Variants in ERCC6L2 observed in about 807,000 individuals in gnomAD.
ERCC6L2 encodes ERCC excision repair 6 like 2.
Under a neutral mutation model 132.0 loss-of-function variants are expected in ERCC6L2, and 77 were observed. The observed-to-expected ratio is 0.58, with a 90% CI of 0.49 to 0.71. The LOEUF is 0.71. ERCC6L2 is among the 30% of genes least tolerant of loss of function. The probability of loss-of-function intolerance (pLI) is 0.00; values close to 1 mark genes in which losing one functional copy is unlikely to be tolerated. For synonymous variants in ERCC6L2, 583 were observed against 632.4 expected, an observed-to-expected ratio of 0.92 and a Z score of 1.17; for missense variants, 1,542 against 1,837.6, an observed-to-expected ratio of 0.84 and a Z score of 2.94.
chr9:95,925,830 T>A lies in ERCC6L2; in HGVS notation c.1534-2249T>A, dbSNP rs1830076089. 7.4e-5 allele frequency among the ~76,000 whole-genome samples: 11 copies of A among 149,376 alleles called. No homozygotes were observed. The Admixed American group carries it at 7.4e-4, about 10-fold the overall frequency. On this transcript the variant is annotated intron_variant, in intron 9 of 18. Transcript: ENST00000653738. ...ACAAACCACAGACTGGGAGAAAATA[T>A]TAGCAAAACAATAAAGGACTGGTTT... is the stretch of plus-strand genomic sequence containing the variant.
At chr9:95,883,673 A>T (rs1036967739) in intron 2 of ERCC6L2, among the ~76,000 whole-genome samples, 1 of 152,206 alleles carries the variant, frequency 6.6e-6, no homozygotes, top group Non-Finnish European at 1.5e-5. Flanking sequence ...ATCCTGGCCA[A>T]CATGGTGAAA....
chr9:95,964,893 T>C (rs1832082080), intron 13 of ERCC6L2, among the ~76,000 whole-genome samples: 1 of 152,204 alleles, frequency 6.6e-6, no homozygotes, highest in Non-Finnish European at 1.5e-5. Flanking sequence ...AATAAAACTT[T>C]GCTAGGAAGC....
In ERCC6L2 at chr9:96,031,413, G is replaced by A. The variant is rs2133266560; in HGVS notation, c.*1504-7463G>A. On this transcript the variant is annotated intron_variant and NMD_transcript_variant, in intron 19 of 20. Transcript: ENST00000670016. The stretch of plus-strand genomic sequence containing the variant: ...ATACCAAGGGCACCCACAGGTCTGT[G>A]CTAGGGGCCTTGAGGCCTCCAAAAT... Among the ~76,000 whole-genome samples, 3 of 152,352 alleles carry A rather than the reference G, an allele frequency of 2.0e-5. No homozygotes were observed. The South Asian group carries it at 6.2e-4, about 32-fold the overall frequency.
chr9:96,005,372 AT>A (rs1347202487), intron 18 of ERCC6L2, among the ~76,000 whole-genome samples: 2 of 152,110 alleles, frequency 1.3e-5, no homozygotes, highest in African/African-American at 4.8e-5. Flanking sequence ...GCATCAAACC[AT>A]GAAGTTTTAA....
chr9:95,882,810 A>T (rs1292996024), intron 2 of ERCC6L2, among the ~76,000 whole-genome samples: 1 of 152,228 alleles, frequency 6.6e-6, no homozygotes, highest in Non-Finnish European at 1.5e-5. Flanking sequence ...TAGTTTAGAC[A>T]TGCACACTGG....
chr9:95,946,582 A>T (rs1396049972), intron 12 of ERCC6L2, among the ~76,000 whole-genome samples: 2 of 152,142 alleles, frequency 1.3e-5, no homozygotes, highest in East Asian at 3.8e-4. Context: ...TAAATATATA[A>T]ATTACTTGAA....
At chr9:95,948,620 T>C (rs1470129879) in intron 12 of ERCC6L2, among the ~76,000 whole-genome samples, 1 of 151,984 alleles carries the variant, frequency 6.6e-6, no homozygotes, top group African/African-American at 2.4e-5. Context: ...CCAGGCAGGA[T>C]GTATACCCAG....
intron 11 of ERCC6L2, among the ~76,000 whole-genome samples, chr9:95,936,267 A>G (rs1420840112): frequency 6.6e-6 from 1 of 152,192 alleles, no homozygotes; most frequent in Non-Finnish European, 1.5e-5. Context: ...TCACCAGGAA[A>G]TATATGGAGA....
rs753898605 is a variant in ERCC6L2 at position 95,972,498 on chromosome 9, A to G, written c.2747A>G (p.Asp916Gly). 143 of 1,289,808 alleles carry G rather than the reference A, an allele frequency of 1.1e-4. No individual in the cohort carries two copies. The highest frequency in any genetic ancestry group is 1.4e-4 in the Non-Finnish European group (140 of 988,886). 79.9% of individuals were successfully genotyped at this position (1,289,808 alleles called of 1,614,324 possible). Residue 916 changes from aspartate to glycine, a missense_variant, in exon 16 of 19, where the codon GAC becomes GGC. Around this residue, in one of 4 missense-constraint regions of ERCC6L2, gnomAD observed 945 missense variants for 1,105.2 expected, o/e 0.86. Transcript: ENST00000653738. ...CAATACACAACTGAGAGATTCCCCG[A>G]CAATAGTATAAGGTTTAAGCCACCC... ...PTQYTTERFPDNSIRFKPPLE... is the reference protein window; with the variant it reads ...PTQYTTERFPGNSIRFKPPLE...
chr9:96,000,163 A>G (rs898529627), intron 17 of ERCC6L2, among the ~76,000 whole-genome samples: 5 of 152,134 alleles, frequency 3.3e-5, no homozygotes, highest in African/African-American at 9.7e-5. Context: ...CTGGGATTAC[A>G]GGTGTGAGCC....
intron 1 of ERCC6L2, 181 bp downstream of exon 1, chr9:95,876,265 C>A: frequency 1.8e-6 from 1 of 548,012 alleles, no homozygotes; most frequent in Non-Finnish European, 3.2e-6. Flanking sequence ...AGAACCTGGA[C>A]TCGGGAGTCA....
At chr9:95,993,606 A>C (rs1357947385) in intron 17 of ERCC6L2, among the ~76,000 whole-genome samples, 1 of 152,220 alleles carries the variant, frequency 6.6e-6, no homozygotes, top group Non-Finnish European at 1.5e-5. Context: ...AGTGATGCTG[A>C]ATTTCCACAA....
intron 18 of ERCC6L2, among the ~76,000 whole-genome samples, chr9:96,007,781 A>T (rs1457054624): frequency 6.6e-6 from 1 of 152,110 alleles, no homozygotes; most frequent in Non-Finnish European, 1.5e-5. Context: ...GTAGGAGGAG[A>T]TGAGAGGCCA....
intron 19 of ERCC6L2, among the ~76,000 whole-genome samples, chr9:96,030,388 G>T (rs1420355575): frequency 2.0e-5 from 3 of 152,106 alleles, no homozygotes; most frequent in Non-Finnish European, 1.5e-5. Flanking sequence ...TCTTGGTGTT[G>T]CTCACTCTTT....
intron 16 of ERCC6L2, among the ~76,000 whole-genome samples, chr9:95,974,443 C>G (rs1448633960): frequency 6.6e-6 from 1 of 152,152 alleles, no homozygotes; most frequent in African/African-American, 2.4e-5. Context: ...ATTGTCCTAT[C>G]TGTGGATAGA....
At chr9:95,996,424 T>C (rs1317994661) in intron 17 of ERCC6L2, among the ~76,000 whole-genome samples, 1 of 152,250 alleles carries the variant, frequency 6.6e-6, no homozygotes. Context: ...AAGACCTAGC[T>C]AAGATCACTG....
chr9:95,936,898 G>A (rs1043389653), intron 11 of ERCC6L2, among the ~76,000 whole-genome samples: 5 of 152,124 alleles, frequency 3.3e-5, no homozygotes, highest in African/African-American at 9.7e-5. Flanking sequence ...TTTGGGATTG[G>A]CTATTTTCAC....
intron 13 of ERCC6L2, among the ~76,000 whole-genome samples, chr9:95,958,536 A>G (rs561895230): frequency 6.6e-6 from 1 of 152,126 alleles, no homozygotes; most frequent in East Asian, 1.9e-4. Context: ...TGACTTTTTA[A>G]TGATTGCCAT....
intron 17 of ERCC6L2, among the ~76,000 whole-genome samples, chr9:95,984,174 T>C (rs1832999997): frequency 6.7e-6 from 1 of 149,838 alleles, no homozygotes; most frequent in African/African-American, 2.4e-5. Context: ...GTATATATGT[T>C]ACATATACAT....
Sources: allele counts gnomAD v4.1 joint callset (sites outside exome capture counted in the v4.1 genomes callset), GRCh38; gene constraint gnomAD v4.1.1; regional missense constraint gnomAD v4.1.1; transcripts MANE v1.5; gene names NCBI Gene and HGNC (gene_info 2026-07-23, HGNC 2026-07-21).